The following UACA variants were observed in gnomAD, a reference collection of about 807,000 sequenced individuals.
UACA encodes uveal autoantigen with coiled-coil domains and ankyrin repeats, also known as nuclear membrane binding protein.
UACA carries 112 observed loss-of-function variants against 160.5 expected under a neutral mutation model. That is an observed-to-expected ratio of 0.70 (90% CI 0.60 to 0.82). UACA has a LOEUF of 0.82. UACA is among the 40% of genes least tolerant of loss of function. The pLI is 0.00. For synonymous variants in UACA, 557 were observed against 568.4 expected (o/e 0.98, Z 0.29); for missense variants, 1,574 against 1,614.6 (o/e 0.97, Z 0.43).
intron 1 of UACA, among the ~76,000 whole-genome samples, chr15:70,718,026 T>TAC (rs1491235566): frequency 8.0e-6 from 1 of 124,834 alleles, no homozygotes; most frequent in East Asian, 2.1e-4. Flanking sequence ...TAAATTTCTT[T>TAC]ATACACACAC....
chr15:70,661,075 C>G (rs1896689933), intron 17 of UACA: 1 of 152,166 alleles, frequency 6.6e-6, no homozygotes. Context: ...TTACTGCCCT[C>G]TGGCCATGCC....
intron 4 of UACA, 62 bp downstream of exon 4, chr15:70,691,237 A>T: frequency 8.2e-7 from 1 of 1,221,266 alleles, no homozygotes; most frequent in Non-Finnish European, 1.2e-6. Context: ...AAAACACATT[A>T]AAAGTACATC....
chr15:70,746,264 C>T (rs1357256140), intron 1 of UACA, among the ~76,000 whole-genome samples: 2 of 152,104 alleles, frequency 1.3e-5, no homozygotes, highest in African/African-American at 4.8e-5. Flanking sequence ...CCAGAATCTA[C>T]ATGGAACTTA....
intron 1 of UACA, among the ~76,000 whole-genome samples, chr15:70,721,776 A>G (rs1292691337): frequency 6.6e-6 from 1 of 152,218 alleles, no homozygotes; most frequent in Non-Finnish European, 1.5e-5. Flanking sequence ...ACCTGCCAAC[A>G]TTACACAGTT....
rs568360158 is a variant in UACA, at chr15:70,728,659, A to G, written c.79-28999T>C. Among the ~76,000 whole-genome samples, 24 of 152,270 alleles carry G rather than the reference A, an allele frequency of 1.6e-4. 1 individual carries two copies. The highest frequency in any genetic ancestry group is 5.8e-4 in the African/African-American group (24 of 41,580). ...CAAAACATTTACAACTAAGTCCTCA[A>G]AGGCAACTGCAAAGAAAGCGAAAAT... On this transcript the variant is annotated intron_variant, in intron 1 of 18. Transcript: ENST00000322954.
chr15:70,695,245 C>A, intron 2 of UACA, 140 bp from the exon 3 acceptor site: 1 of 507,412 alleles, frequency 2.0e-6, no homozygotes, highest in South Asian at 3.6e-5. Context: ...AGAACACCTA[C>A]ATATTTAATT....
In UACA at chr15:70,763,496, C is replaced by G. The variant is rs1015756595; in HGVS notation, c.-89G>C. The stretch of plus-strand genomic sequence containing the variant: ...TAGACGGCAGCGGCTGCAGCAGAGG[C>G]GGCGCGGGCTGTACCAGCCCCACCT... On this transcript the variant is annotated 5_prime_UTR_variant, in exon 1 of 19. Coordinates refer to ENST00000322954, the MANE Select transcript of UACA (RefSeq NM_018003.4). 2 of 1,257,502 alleles carry G rather than the reference C, an allele frequency of 1.6e-6. No individual in the cohort carries two copies. The highest frequency in any genetic ancestry group is 3.1e-5 in the African/African-American group (2 of 64,406). The allele number at this position is 1,257,502 out of a possible 1,614,324, so 77.9% of individuals were successfully genotyped here.
In UACA at chr15:70,669,166, C is replaced by T. The variant is rs571464088; in HGVS notation, c.1518G>A (p.Met506Ile). The change falls in exon 16 of 19, where the codon ATG becomes ATA. Residue 506 changes from methionine (M) to isoleucine (I), a missense_variant. Met to Ile is a conservative substitution (Grantham distance 10, BLOSUM62 1). Transcript: ENST00000322954. ...EDALKDVQKR[M>I]YESEGKVKQM... is the part of the protein sequence containing the mutation. ...GTTTAACTTTACCTTCTGACTCATA[C>T]ATCCTCTTCTGCACATCTTTTAATG... 13 of 1,614,064 alleles carry T rather than the reference C, an allele frequency of 8.1e-6. No individual in the cohort carries two copies. The highest frequency in any genetic ancestry group is 1.1e-5 in the South Asian group (1 of 91,068).
chr15:70,713,555 A>G (rs1335535703), intron 1 of UACA, among the ~76,000 whole-genome samples: 1 of 152,200 alleles, frequency 6.6e-6, no homozygotes, highest in Non-Finnish European at 1.5e-5. Flanking sequence ...CCAGGATGAG[A>G]TAAGAAGGCA....
rs1002244957 is a variant in UACA, at chr15:70,763,485, T to G, written c.-78A>C. Reference sequence around the variant, plus strand: ...CGCGCAAGGAGTAGACGGCAGCGGCTGCAGCAGAGGCGGCGCGGGCTGTAC... The same window carrying G: ...CGCGCAAGGAGTAGACGGCAGCGGCGGCAGCAGAGGCGGCGCGGGCTGTAC... On this transcript the variant is annotated 5_prime_UTR_variant, in exon 1 of 19. Coordinates refer to ENST00000322954, the MANE Select transcript of UACA (RefSeq NM_018003.4). 1.6e-6 allele frequency: 2 copies of G among 1,259,598 alleles called. No homozygotes were observed. The highest frequency in any genetic ancestry group is 2.0e-6 in the Non-Finnish European group (2 of 994,608). The allele number at this position is 1,259,598 out of a possible 1,614,324, so 78.0% of individuals were successfully genotyped here. A position where few individuals can be genotyped will look rare whatever the true frequency, so the allele number is the denominator to read the frequency against.
intron 1 of UACA, chr15:70,749,289 G>A (rs1174547577): frequency 5.2e-6 from 2 of 386,074 alleles, no homozygotes; most frequent in Admixed American, 5.8e-5. Context: ...CACTTTGGGA[G>A]GCCGAAGTGG....
chr15:70,761,742 G>A (rs1238924851), intron 1 of UACA, among the ~76,000 whole-genome samples: 1 of 150,300 alleles, frequency 6.7e-6, no homozygotes, highest in Non-Finnish European at 1.5e-5. Context: ...GCTCAATTGA[G>A]TGCTAAAGAT....
chr15:70,708,902 A>G (rs568471075), intron 1 of UACA, among the ~76,000 whole-genome samples: 1 of 152,334 alleles, frequency 6.6e-6, no homozygotes, highest in African/African-American at 2.4e-5. Context: ...ATGAGAGTTC[A>G]TTATAGTAAA....
intron 1 of UACA, among the ~76,000 whole-genome samples, chr15:70,722,275 G>A (rs1177677631): frequency 6.6e-6 from 1 of 151,128 alleles, no homozygotes; most frequent in East Asian, 1.9e-4. Context: ...AAGAGGAAAG[G>A]AAGGCAAGAG....
At chr15:70,705,265 A>C (rs1898490866) in intron 1 of UACA, among the ~76,000 whole-genome samples, 3 of 152,212 alleles carry the variant, frequency 2.0e-5, no homozygotes, top group African/African-American at 7.2e-5. Context: ...GCGGTGGCTC[A>C]CGTCTGTAAT....
chr15:70,702,021 C>T (rs1898383685), intron 1 of UACA: 1 of 1,542,454 alleles, frequency 6.5e-7, no homozygotes, highest in Non-Finnish European at 8.7e-7. Context: ...TGACAAGTGA[C>T]TCAGTCCCTC....
At chr15:70,719,112 AAGG>A (rs1205417896) in intron 1 of UACA, among the ~76,000 whole-genome samples, 1 of 151,436 alleles carries the variant, frequency 6.6e-6, no homozygotes, top group Non-Finnish European at 1.5e-5. Context: ...AGATGAAGAG[AAGG>A]AGAAGGAGAA....
intron 2 of UACA, among the ~76,000 whole-genome samples, chr15:70,695,455 G>A (rs976613248): frequency 6.6e-6 from 1 of 151,108 alleles, no homozygotes; most frequent in Non-Finnish European, 1.5e-5. Flanking sequence ...TTTTCTATCA[G>A]ATTATTTTAT....
At position 70,657,123 on chromosome 15, in the gene UACA, T is replaced by C. The variant is rs1304407458; in HGVS notation, c.4184A>G (p.His1395Arg). 1 of 1,613,928 alleles carries C rather than the reference T, an allele frequency of 6.2e-7. No individual in the cohort carries two copies. Among genetic ancestry groups the C allele is most frequent in the South Asian group, 1.1e-5 (1 of 91,074 alleles). The change falls in exon 19 of 19, where the codon CAC (histidine) becomes CGC (arginine). Residue 1395 changes from histidine (H) to arginine (R), a missense_variant. His to Arg is a conservative substitution (Grantham distance 29). Coordinates refer to ENST00000322954, the MANE Select transcript of UACA (RefSeq NM_018003.4). ...AGCCTCCTGAACATCTTCATCCATG[T>C]GACCCTTCGGAGAAAGAAGAAAGAG... ...RTHLLSAAQG[H>R]MDEDVQEALL...
Sources: allele counts gnomAD v4.1 joint callset (sites outside exome capture counted in the v4.1 genomes callset), GRCh38; gene constraint gnomAD v4.1.1; transcripts MANE v1.5; gene names NCBI Gene and HGNC (gene_info 2026-07-23, HGNC 2026-07-21).